COL20A1: variants seen among roughly 807,000 people sequenced by gnomAD.
COL20A1 encodes collagen alpha-1(XX) chain.
In COL20A1, 164 loss-of-function variants were observed where a neutral mutation model predicts 152.9. The observed-to-expected ratio is 1.07, with a 90% CI of 0.94 to 1.22. The LOEUF is 1.22. Among genes scored for constraint, COL20A1 ranks in the 50% most tolerant of loss-of-function variants. The pLI, the probability that COL20A1 is intolerant of heterozygous loss-of-function variation, is 0.00. For missense variants in COL20A1, 1,873 were observed against 1,744.8 expected, an observed-to-expected ratio of 1.07 and a Z score of -1.31; for synonymous variants, 864 against 756.0, an observed-to-expected ratio of 1.14 and a Z score of -2.34.
intron 31 of COL20A1, 115 bp downstream of exon 31, chr20:63,326,938 C>A: frequency 1.5e-6 from 1 of 655,188 alleles, no homozygotes; most frequent in Non-Finnish European, 2.4e-6. Flanking sequence ...TTCCTACTGA[C>A]CACCTAGGGA....
Position 63,310,527 on chromosome 20 carries a change from C to T in COL20A1, c.1393+17C>T, listed in dbSNP as rs2067991924. On this transcript the variant is annotated intron_variant, in intron 11 of 35. Coordinates refer to ENST00000358894, the MANE Select transcript of COL20A1 (RefSeq NM_020882.4). Reference sequence around the variant, plus strand: ...TGACCACAGGTAGGTGGGGCAGAGGCAGCGGCCAGGTTCTGGGTGGGAGGC... The same window carrying T: ...TGACCACAGGTAGGTGGGGCAGAGGTAGCGGCCAGGTTCTGGGTGGGAGGC... The T allele has an allele frequency of 4.5e-6, 7 of 1,571,934 alleles. No individual in the cohort carries two copies. In the Middle Eastern group the frequency reaches 5.4e-4, roughly 120 times the overall value.
At chr20:63,303,614 T>C (rs1376806160) in intron 3 of COL20A1, among the ~76,000 whole-genome samples, 3 of 152,318 alleles carry the variant, frequency 2.0e-5, no homozygotes, top group African/African-American at 7.2e-5. Context: ...GAAAACTCAA[T>C]AACAGTTAGC....
chr20:63,304,165 C>G (rs1245589065), intron 3 of COL20A1, among the ~76,000 whole-genome samples: 3 of 140,364 alleles, frequency 2.1e-5, no homozygotes, highest in African/African-American at 5.4e-5. Context: ...GGGTTCCTCC[C>G]TCCCTTCCTC....
In COL20A1 at chr20:63,311,969, G is replaced by A. The variant is rs2068014267; in HGVS notation, c.1717G>A (p.Ala573Thr). Reference sequence around the variant, plus strand: ...CTTCTCAGACGTGAGCCACGACGCGGCACGAGTGTTCTGGGAGGGTGCCCC... The same window carrying A: ...CTTCTCAGACGTGAGCCACGACGCGACACGAGTGTTCTGGGAGGGTGCCCC... The part of the protein sequence containing the change: ...LGFSDVSHDA[A>T]RVFWEGAPRP... Residue 573 changes from alanine to threonine, a missense_variant, in exon 14 of 36, where the codon GCA becomes ACA. Physicochemically the swap from Ala to Thr is moderately conservative, Grantham distance 58. Coordinates refer to ENST00000358894, the MANE Select transcript of COL20A1 (RefSeq NM_020882.4). This position sits in a 1 kb window ranked among gnomAD's most constrained non-coding sequence, Gnocchi z 4.4. 5 of 1,598,490 alleles carry A rather than the reference G, an allele frequency of 3.1e-6. No homozygotes were observed. The South Asian group carries it at 4.5e-5, about 14-fold the overall frequency.
chr20:63,330,974 C>G lies in COL20A1; in HGVS notation c.*258C>G, dbSNP rs112262684. The G allele has an allele frequency of 6.6e-6, 1 of 152,388 alleles. No homozygotes were observed. The highest frequency in any genetic ancestry group is 6.5e-5 in the Admixed American group (1 of 15,290). 9.4% of individuals were successfully genotyped at this position (152,388 alleles called of 1,614,324 possible). ...AGTCATTTCCTGGGAGAGTGTCCCC[C>G]ACCCTGGCTCTGTGCACCCCACCTT... On this transcript the variant is annotated 3_prime_UTR_variant, in exon 36 of 36. Transcript: ENST00000358894.
At position 63,311,828 on chromosome 20, in the gene COL20A1, T is replaced by G. The variant is rs1436521121; in HGVS notation, c.1663+80T>G. On this transcript the variant is annotated intron_variant, in intron 13 of 35. Transcript: ENST00000358894. The surrounding 1 kb of genome is among the most constrained non-coding windows in gnomAD (Gnocchi z 4.4). ...TCAGCCTTCCATGGCATGGGAGACCTCAGGCCCCCTCGGTCCCAGCCACTG... is the reference window on the plus strand; with the variant it reads ...TCAGCCTTCCATGGCATGGGAGACCGCAGGCCCCCTCGGTCCCAGCCACTG... 7 of 1,518,046 alleles carry G rather than the reference T, an allele frequency of 4.6e-6. No individual in the cohort carries two copies. The highest frequency in any genetic ancestry group is 2.4e-4 in the Middle Eastern group (1 of 4,240). The allele number at this position is 1,518,046 out of a possible 1,614,324, so 94.0% of individuals were successfully genotyped here.
In COL20A1 at chr20:63,330,955, T is replaced by C. The variant is rs1254177409; in HGVS notation, c.*239T>C. 1 of 152,376 alleles carries C rather than the reference T, an allele frequency of 6.6e-6. No individual in the cohort carries two copies. The highest frequency in any genetic ancestry group is 1.5e-5 in the Non-Finnish European group (1 of 68,138). The allele number at this position is 152,376 out of a possible 1,614,324, so 9.4% of individuals were successfully genotyped here. On this transcript the variant is annotated 3_prime_UTR_variant, in exon 36 of 36. Coordinates refer to ENST00000358894, the MANE Select transcript of COL20A1 (RefSeq NM_020882.4). ...CCCAGCCAAGCGAGGCGGGAGTCAT[T>C]TCCTGGGAGAGTGTCCCCCACCCTG...
In COL20A1 at chr20:63,328,116, T is replaced by A. The variant is rs2068279233; in HGVS notation, c.3602T>A (p.Val1201Glu). ...TCCCTTGCCACCCTCTACCAGCTTG[T>A]GAGCCAGGCCTGTGAGTCTGCCATT... The part of the protein sequence containing the change: ...PQSLATLYQL[V>E]SQASHVSKFD... The change falls in exon 33 of 36, where the codon GTG becomes GAG. Residue 1201 changes from valine (V) to glutamate (E), a missense_variant. Physicochemically the swap from Val to Glu is moderately radical, Grantham distance 121. Coordinates refer to ENST00000358894, the MANE Select transcript of COL20A1 (RefSeq NM_020882.4). The A allele has an allele frequency of 6.2e-7, 1 of 1,613,104 alleles. No individual in the cohort carries two copies. Among genetic ancestry groups the A allele is most frequent in the Non-Finnish European group, 8.5e-7 (1 of 1,179,828 alleles).
At chr20:63,317,224 G>A in intron 21 of COL20A1, among the ~76,000 whole-genome samples, 1 of 152,182 alleles carries the variant, frequency 6.6e-6, no homozygotes, top group East Asian at 1.9e-4. Flanking sequence ...GTGCACACCT[G>A]CAGTCCCAGC....
In COL20A1 at chr20:63,319,907, T is replaced by C; in HGVS notation, c.2917-132T>C. On this transcript the variant is annotated intron_variant, in intron 23 of 35. Coordinates refer to ENST00000358894, the MANE Select transcript of COL20A1 (RefSeq NM_020882.4). The surrounding 1 kb of genome is among the most constrained non-coding windows in gnomAD (Gnocchi z 4.4). ...GGTTCTCCCAGGGTCCCCCGAAACCTGAGGTGAGGTCAGGTTCCTGACCCC... is the reference window on the plus strand; with the variant it reads ...GGTTCTCCCAGGGTCCCCCGAAACCCGAGGTGAGGTCAGGTTCCTGACCCC... The C allele has an allele frequency of 1.1e-6, 1 of 878,486 alleles. No individual in the cohort carries two copies. The highest frequency in any genetic ancestry group is 1.7e-5 in the African/African-American group (1 of 59,174). The allele number at this position is 878,486 out of a possible 1,614,324, so 54.4% of individuals were successfully genotyped here.
In COL20A1 at chr20:63,312,471, T is replaced by G; in HGVS notation, c.1855T>G (p.Ser619Ala). The change falls in exon 15 of 36, where the codon TCC becomes GCC. Residue 619 changes from serine to alanine, a missense_variant. Physicochemically the swap from Ser to Ala is moderately conservative, Grantham distance 99. Coordinates refer to ENST00000358894, the MANE Select transcript of COL20A1 (RefSeq NM_020882.4). ...GGCCACGCTGGGGCCTCTCTCTTCC[T>G]CCACCACCTACACTGTCCGTGTCAC... ...TSATLGPLSSSTTYTVRVTCL... is the reference protein window; with the variant it reads ...TSATLGPLSSATTYTVRVTCL... The G allele has an allele frequency of 6.2e-7, 1 of 1,608,318 alleles. No individual in the cohort carries two copies. Among genetic ancestry groups the G allele is most frequent in the Non-Finnish European group, 8.5e-7 (1 of 1,178,544 alleles).
chr20:63,294,648 G>T (rs185755773), intron 1 of COL20A1, among the ~76,000 whole-genome samples: 1 of 152,276 alleles, frequency 6.6e-6, no homozygotes, highest in Admixed American at 6.5e-5. Context: ...CCTCCAGGGC[G>T]AGGCTGGGGC....
intron 9 of COL20A1, 129 bp from the exon 10 acceptor site, chr20:63,309,629 C>G: frequency 8.1e-7 from 1 of 1,240,958 alleles, no homozygotes; most frequent in Non-Finnish European, 1.1e-6. Flanking sequence ...TGCAGCACCC[C>G]CTTACATCTG....
At chr20:63,309,292 A>AC in intron 8 of COL20A1, 41 bp from the exon 9 acceptor site, 1 of 1,377,272 alleles carries the variant, frequency 7.3e-7, no homozygotes. Flanking sequence ...CCGTCGGGTG[A>AC]CCCCAGTGCA....
At chr20:63,323,939 G>A (rs1253764648) in intron 27 of COL20A1, among the ~76,000 whole-genome samples, 3 of 152,156 alleles carry the variant, frequency 2.0e-5, no homozygotes, top group Non-Finnish European at 4.4e-5. Context: ...GATATACTCG[G>A]GAACAGATGA....
intron 30 of COL20A1, among the ~76,000 whole-genome samples, chr20:63,326,411 G>A (rs920774249): frequency 3.3e-5 from 5 of 152,196 alleles, no homozygotes; most frequent in African/African-American, 1.2e-4. Flanking sequence ...TCCTGGCATC[G>A]GCCTCGGGCT....
intron 19 of COL20A1, among the ~76,000 whole-genome samples, chr20:63,314,483 TCCTGGAGAACCACAGGTCC>T (rs976037261): frequency 2.1e-4 from 32 of 152,274 alleles, no homozygotes; most frequent in African/African-American, 7.0e-4. Context: ...TTGCTGGTTT[TCCTGGAGAACCACAGGTCC>T]AGGGCGAGGG....
At chr20:63,316,768 GC>G in intron 21 of COL20A1, 77 bp downstream of exon 21, 3 of 1,373,280 alleles carry the variant, frequency 2.2e-6, no homozygotes, top group Non-Finnish European at 2.9e-6. Context: ...TGGTGGGGGG[GC>G]GGGCATGGGC....
chr20:63,301,776 C>A (rs1308163944), intron 3 of COL20A1, among the ~76,000 whole-genome samples: 1 of 152,076 alleles, frequency 6.6e-6, no homozygotes, highest in Non-Finnish European at 1.5e-5. Context: ...TACTGTTAAT[C>A]TTTCTCCAGC....
Sources: allele counts gnomAD v4.1 joint callset (sites outside exome capture counted in the v4.1 genomes callset), GRCh38; gene constraint gnomAD v4.1.1; non-coding constraint Gnocchi (gnomAD v3.1); transcripts MANE v1.5; gene names NCBI Gene and HGNC (gene_info 2026-07-23, HGNC 2026-07-21).